UNC5D: variants seen among roughly 807,000 people sequenced by gnomAD.
UNC5D encodes netrin receptor UNC5D.
In UNC5D, 39 loss-of-function variants were observed where a neutral mutation model predicts 105.4. That is an observed-to-expected ratio of 0.37 (90% CI 0.29 to 0.48). The LOEUF (loss-of-function observed/expected upper bound fraction) is 0.48. Among genes scored for constraint, UNC5D ranks in the 20% least tolerant of loss-of-function variants. The probability of loss-of-function intolerance (pLI) is 0.98; values close to 1 mark genes in which losing one functional copy is unlikely to be tolerated. For synonymous variants in UNC5D, 452 were observed against 450.4 expected (o/e 1.00, Z -0.04); for missense variants, 991 against 1,202.4 (o/e 0.82, Z 2.60).
intron 11 of UNC5D, among the ~76,000 whole-genome samples, chr8:35,742,501 A>T (rs148525768): frequency 4.1e-4 from 63 of 152,192 alleles, no homozygotes; most frequent in African/African-American, 1.5e-3. Context: ...AACTATCATT[A>T]CTCTCCTGCC....
intron 15 of UNC5D, among the ~76,000 whole-genome samples, chr8:35,770,819 T>C (rs1202280555): frequency 6.6e-6 from 1 of 152,182 alleles, no homozygotes. Flanking sequence ...GTGTTGGAAG[T>C]TGGGGGATAA....
Position 35,358,150 on chromosome 8 carries a change from T to A in UNC5D, c.103+122263T>A, listed in dbSNP as rs540012002. Among the ~76,000 whole-genome samples, 4 of 152,322 alleles carry A rather than the reference T, an allele frequency of 2.6e-5. 1 individual carries two copies. The highest frequency in any genetic ancestry group is 9.6e-5 in the African/African-American group (4 of 41,568). On this transcript the variant is annotated intron_variant, in intron 1 of 16. Transcript: ENST00000404895. ...GACCCAGCAATCCCATTACTGGGTATATACCCAAAGGAATATAATTCATTC... is the reference window on the plus strand; with the variant it reads ...GACCCAGCAATCCCATTACTGGGTAAATACCCAAAGGAATATAATTCATTC...
At chr8:35,426,039 A>G (rs1357417614) in intron 1 of UNC5D, among the ~76,000 whole-genome samples, 2 of 152,104 alleles carry the variant, frequency 1.3e-5, no homozygotes, top group African/African-American at 2.4e-5. Context: ...AAGGCGGCCC[A>G]TTTCATGTTT....
chr8:35,761,281 C>G lies in UNC5D; in HGVS notation c.2313+1812C>G, dbSNP rs143097076. ...TTATAAGGGCCTCATTTCACTGGAT[C>G]TGATGCAAGTGACTTGGTCCAAAGT... On this transcript the variant is annotated intron_variant, in intron 14 of 16. Coordinates refer to ENST00000404895, the MANE Select transcript of UNC5D (RefSeq NM_080872.4). Among the ~76,000 whole-genome samples, 488 of 152,260 alleles carry G rather than the reference C, an allele frequency of 3.2e-3. 1 individual carries two copies. The highest frequency in any genetic ancestry group is 9.8e-3 in the African/African-American group (408 of 41,552).
At chr8:35,700,242 C>A (rs966344344) in intron 7 of UNC5D, among the ~76,000 whole-genome samples, 8 of 152,134 alleles carry the variant, frequency 5.3e-5, no homozygotes, top group Non-Finnish European at 1.2e-4. Context: ...ATGCAATACA[C>A]TGATAATCAA....
chr8:35,790,349 C>T lies in UNC5D; in HGVS notation c.2658-10C>T. 1.2e-6 allele frequency: 2 copies of T among 1,613,314 alleles called. No homozygotes were observed. The highest frequency in any genetic ancestry group is 1.7e-6 in the Non-Finnish European group (2 of 1,179,470). ...CGTTTTGTTCTTTGTGTTTAACTCT[C>T]TCCATCTAGGAATTTATCTTATTTC... is the stretch of plus-strand genomic sequence containing the variant. On this transcript the variant is annotated splice_polypyrimidine_tract_variant and intron_variant, in intron 16 of 16. Transcript: ENST00000404895.
intron 15 of UNC5D, among the ~76,000 whole-genome samples, chr8:35,773,745 G>T (rs1183800502): frequency 6.6e-6 from 1 of 152,038 alleles, no homozygotes. Flanking sequence ...TGTTTGAGGC[G>T]AAGTTTGGCT....
At chr8:35,247,259 T>A (rs959088640) in intron 1 of UNC5D, among the ~76,000 whole-genome samples, 1 of 122,422 alleles carries the variant, frequency 8.2e-6, no homozygotes, top group African/African-American at 3.1e-5. Flanking sequence ...TTCTAAAATA[T>A]CTTTGAAATT....
intron 2 of UNC5D, among the ~76,000 whole-genome samples, chr8:35,560,352 A>G (rs1816868543): frequency 1.3e-5 from 2 of 152,116 alleles, no homozygotes; most frequent in Admixed American, 6.5e-5. Context: ...AGGAAGAGCA[A>G]TTTTCTTAAA....
intron 4 of UNC5D, among the ~76,000 whole-genome samples, chr8:35,681,718 T>G (rs1254962115): frequency 6.6e-6 from 1 of 152,178 alleles, no homozygotes; most frequent in African/African-American, 2.4e-5. Context: ...CTGACAGCTT[T>G]ATTTTACATT....
At chr8:35,509,074 T>A (rs944750083) in intron 1 of UNC5D, among the ~76,000 whole-genome samples, 6 of 152,104 alleles carry the variant, frequency 3.9e-5, no homozygotes, top group Admixed American at 3.9e-4. Context: ...GAGGGAGGCT[T>A]GAGGAGGCTA....
chr8:35,552,103 T>G (rs1816199299), intron 2 of UNC5D, among the ~76,000 whole-genome samples: 1 of 152,118 alleles, frequency 6.6e-6, no homozygotes. Flanking sequence ...TTGGAATTAG[T>G]AGGAGGAAGA....
In UNC5D at chr8:35,684,631, C is replaced by T; in HGVS notation, c.801C>T (p.Arg267=). 2 of 1,613,750 alleles carry T rather than the reference C, an allele frequency of 1.2e-6. No individual in the cohort carries two copies. Among genetic ancestry groups the T allele is most frequent in the Non-Finnish European group, 1.7e-6 (2 of 1,179,974 alleles). Residue 267 remains arginine, a synonymous_variant, in exon 6 of 17, where the codon CGC becomes CGT. Coordinates refer to ENST00000404895, the MANE Select transcript of UNC5D (RefSeq NM_080872.4). ...SWTEWSACNV[R]CGRGWQKRSR... ...CAGAGTGGTCAGCCTGCAATGTTCG[C>T]TGTGGTAGAGGATGGCAGAAACGTT...
At chr8:35,287,185 A>G (rs1806661184) in intron 1 of UNC5D, among the ~76,000 whole-genome samples, 2 of 152,206 alleles carry the variant, frequency 1.3e-5, no homozygotes, top group African/African-American at 4.8e-5. Context: ...TTCTCCTCAA[A>G]TGCACAGGCA....
chr8:35,776,331 C>T (rs548915596), intron 16 of UNC5D, among the ~76,000 whole-genome samples: 5 of 152,152 alleles, frequency 3.3e-5, no homozygotes, highest in Non-Finnish European at 5.9e-5. Flanking sequence ...CACAAAATAC[C>T]TGTGTGCCCA....
intron 3 of UNC5D, among the ~76,000 whole-genome samples, chr8:35,586,201 G>T (rs1349958914): frequency 1.3e-5 from 2 of 152,116 alleles, no homozygotes; most frequent in Non-Finnish European, 2.9e-5. Flanking sequence ...TTGAACCCGG[G>T]AAACAGCGGT....
At chr8:35,760,044 T>C (rs1447746396) in intron 14 of UNC5D, among the ~76,000 whole-genome samples, 3 of 151,142 alleles carry the variant, frequency 2.0e-5, no homozygotes, top group South Asian at 2.1e-4. Flanking sequence ...CTTTTTCTTT[T>C]TTTTTTTTTT....
intron 7 of UNC5D, 100 bp from the exon 8 acceptor site, chr8:35,705,829 T>G (rs532383225): frequency 1.5e-6 from 1 of 656,552 alleles, no homozygotes; most frequent in Non-Finnish European, 2.4e-6. Flanking sequence ...GGAGAAAATG[T>G]TTTATTTATA....
intron 4 of UNC5D, among the ~76,000 whole-genome samples, chr8:35,601,498 A>T (rs372694116): frequency 1.4e-4 from 21 of 152,230 alleles, no homozygotes; most frequent in African/African-American, 4.1e-4. Flanking sequence ...GTAGTTCTCC[A>T]TGAAGAGGTC....
Sources: allele counts gnomAD v4.1 joint callset (sites outside exome capture counted in the v4.1 genomes callset), GRCh38; gene constraint gnomAD v4.1.1; transcripts MANE v1.5; gene names NCBI Gene and HGNC (gene_info 2026-07-23, HGNC 2026-07-21).